DBT: variants seen among roughly 807,000 people sequenced by gnomAD.
DBT encodes dihydrolipoamide branched chain transacylase E2.
Under a neutral mutation model 51.3 loss-of-function variants are expected in DBT, and 40 were observed. The ratio of observed to expected loss-of-function variants is 0.78; its 90% CI spans 0.61 to 1.02. The LOEUF is 1.02. Ranked by LOEUF, DBT falls within the 50% of genes least tolerant of loss-of-function variation. The pLI is 0.00. For synonymous variants in DBT, 181 were observed against 190.4 expected (o/e 0.95, Z 0.41); for missense variants, 510 against 580.2 (o/e 0.88, Z 1.24).
In DBT at chr1:100,190,149, T is replaced by C. The variant is rs1372165758; in HGVS notation, c.*6106A>G. Reference sequence around the variant, plus strand: ...AATGTCTTAAAACAATAAAAGTGTATTATTCAACTATCACATCCAAACCAA... The same window carrying C: ...AATGTCTTAAAACAATAAAAGTGTACTATTCAACTATCACATCCAAACCAA... On this transcript the variant is annotated 3_prime_UTR_variant, in exon 11 of 11. Transcript: ENST00000370132. 3 of 152,200 alleles carry C rather than the reference T, an allele frequency of 2.0e-5. No individual in the cohort carries two copies. The highest frequency in any genetic ancestry group is 7.2e-5 in the African/African-American group (3 of 41,458). The allele number at this position is 152,200 out of a possible 1,614,324, so 9.4% of individuals were successfully genotyped here. A position where few individuals can be genotyped will look rare whatever the true frequency, so the allele number is the denominator to read the frequency against.
chr1:100,248,729 G>A (rs1664707267), intron 1 of DBT, among the ~76,000 whole-genome samples: 1 of 152,184 alleles, frequency 6.6e-6, no homozygotes. Flanking sequence ...AGACCAATAT[G>A]TGTTAAGTGT....
intron 2 of DBT, among the ~76,000 whole-genome samples, chr1:100,236,916 G>T (rs1329087982): frequency 6.6e-6 from 1 of 152,204 alleles, no homozygotes; most frequent in African/African-American, 2.4e-5. Flanking sequence ...AGACTTAAAA[G>T]ACTTTGTGTA....
chr1:100,235,593 G>A (rs571541757), intron 2 of DBT, 82 bp from the exon 3 acceptor site: 77 of 777,176 alleles, frequency 9.9e-5, no homozygotes, highest in Non-Finnish European at 1.4e-4. Context: ...ATTAGAGAAT[G>A]TTCTCAGGCA....
chr1:100,200,320 G>A (rs549423981), intron 10 of DBT, among the ~76,000 whole-genome samples: 1 of 152,314 alleles, frequency 6.6e-6, no homozygotes, highest in African/African-American at 2.4e-5. Flanking sequence ...GCCCACTGCA[G>A]CTCAGCAAAG....
rs1660614684 is a variant in DBT at position 100,187,445 on chromosome 1, T to A, written c.*8810A>T. ...ATAAAAGCTATACTGAATTTAAAACTTTTTACACACATAATCCTGTGCAAA... is the reference window on the plus strand; with the variant it reads ...ATAAAAGCTATACTGAATTTAAAACATTTTACACACATAATCCTGTGCAAA... On this transcript the variant is annotated 3_prime_UTR_variant, in exon 11 of 11. Coordinates refer to ENST00000370132, the MANE Select transcript of DBT (RefSeq NM_001918.5). 6.6e-6 allele frequency: 1 copy of A among 152,222 alleles called. No homozygotes were observed. The allele number at this position is 152,222 out of a possible 1,614,324, so 9.4% of individuals were successfully genotyped here.
intron 4 of DBT, among the ~76,000 whole-genome samples, chr1:100,226,818 G>A (rs1488379649): frequency 6.6e-6 from 1 of 152,178 alleles, no homozygotes; most frequent in Non-Finnish European, 1.5e-5. Context: ...AGAACACATA[G>A]GAGCCAGGTT....
intron 2 of DBT, among the ~76,000 whole-genome samples, chr1:100,239,800 T>G (rs1226240950): frequency 7.0e-6 from 1 of 143,554 alleles, no homozygotes; most frequent in African/African-American, 2.7e-5. Flanking sequence ...GAGTTTGAGG[T>G]TACAGTGAGC....
chr1:100,227,472 C>A (rs1319551445), intron 4 of DBT, among the ~76,000 whole-genome samples: 1 of 152,148 alleles, frequency 6.6e-6, no homozygotes, highest in Non-Finnish European at 1.5e-5. Flanking sequence ...CAGAAGAATG[C>A]CAGCTAATAA....
intron 7 of DBT, among the ~76,000 whole-genome samples, chr1:100,212,726 C>A (rs1278716350): frequency 1.3e-5 from 2 of 152,114 alleles, no homozygotes; most frequent in African/African-American, 4.8e-5. Flanking sequence ...GGAGTCTGTA[C>A]CTGACCACAG....
At chr1:100,205,019 G>A (rs1557943314) in intron 10 of DBT, among the ~76,000 whole-genome samples, 2 of 152,076 alleles carry the variant, frequency 1.3e-5, no homozygotes, top group Non-Finnish European at 2.9e-5. Flanking sequence ...GAAAACCTAG[G>A]CAATACCATT....
At position 100,196,151 on chromosome 1, in the gene DBT, CA is replaced by C; in HGVS notation, c.*103del. The stretch of plus-strand genomic sequence containing the variant: ...GCCTTAGATCCTTAATCATACGATA[CA>C]AATCATTTACAATATAAATTGTAAA... On this transcript the variant is annotated 3_prime_UTR_variant, in exon 11 of 11. Transcript: ENST00000370132. The C allele has an allele frequency of 2.0e-6, 2 of 1,023,644 alleles. No individual in the cohort carries two copies. Among genetic ancestry groups the C allele is most frequent in the East Asian group, 4.9e-5 (2 of 40,568 alleles). 63.4% of individuals were successfully genotyped at this position (1,023,644 alleles called of 1,614,324 possible).
At chr1:100,205,455 T>C (rs1360403671) in intron 10 of DBT, among the ~76,000 whole-genome samples, 1 of 152,152 alleles carries the variant, frequency 6.6e-6, no homozygotes, top group Non-Finnish European at 1.5e-5. Context: ...AAATAACAGA[T>C]GCTGGAGAGA....
At chr1:100,242,931 C>T (rs1345612008) in intron 1 of DBT, among the ~76,000 whole-genome samples, 3 of 152,156 alleles carry the variant, frequency 2.0e-5, no homozygotes, top group Non-Finnish European at 4.4e-5. Flanking sequence ...TAAACCACCA[C>T]GCTTAACATT....
At chr1:100,238,417 T>C (rs75373528) in intron 2 of DBT, among the ~76,000 whole-genome samples, 3 of 10,228 alleles carry the variant, frequency 2.9e-4, no homozygotes, top group Admixed American at 2.4e-3. Flanking sequence ...CTCCTTCTCT[T>C]CTTCTTTCTT....
chr1:100,219,758 C>T (rs1016042000), intron 4 of DBT, among the ~76,000 whole-genome samples: 5 of 151,704 alleles, frequency 3.3e-5, no homozygotes, highest in African/African-American at 1.2e-4. Flanking sequence ...CAAAAAAAAC[C>T]GCACAAGAAT....
chr1:100,201,175 C>T (rs1410989734), intron 10 of DBT, among the ~76,000 whole-genome samples: 2 of 152,012 alleles, frequency 1.3e-5, no homozygotes, highest in Non-Finnish European at 2.9e-5. Context: ...AGAGGAATTG[C>T]TAACTAGAAT....
intron 7 of DBT, 115 bp downstream of exon 7, chr1:100,214,702 C>G (rs990242470): frequency 1.9e-6 from 2 of 1,040,368 alleles, no homozygotes; most frequent in Non-Finnish European, 2.9e-6. Flanking sequence ...TGCAGTGAGC[C>G]GAGATTGTGC....
chr1:100,221,216 T>A (rs1356965506), intron 4 of DBT, among the ~76,000 whole-genome samples: 1 of 152,218 alleles, frequency 6.6e-6, no homozygotes, highest in Non-Finnish European at 1.5e-5. Context: ...CAAACTTACT[T>A]GTGAGAAGTC....
chr1:100,231,456 C>G (rs532978032), intron 3 of DBT, among the ~76,000 whole-genome samples: 3 of 152,164 alleles, frequency 2.0e-5, no homozygotes, highest in Admixed American at 6.5e-5. Context: ...TTTTCTAGAT[C>G]GTTTTGGCAA....
Sources: gnomAD v4.1 joint callset for allele counts (sites outside exome capture counted in the v4.1 genomes callset) on GRCh38, gnomAD v4.1.1 for gene constraint, MANE v1.5 for transcripts, NCBI Gene and HGNC (gene_info 2026-07-23, HGNC 2026-07-21) for gene names.